CSMD1: variants seen among roughly 807,000 people sequenced by gnomAD.
The protein encoded by CSMD1 is CUB and Sushi multiple domains 1, also known as CUB and sushi domain-containing protein 1.
A neutral mutation model predicts 417.5 loss-of-function variants in CSMD1; 213 were observed. The observed-to-expected ratio is 0.51, with a 90% CI of 0.46 to 0.57. The LOEUF is 0.57. CSMD1 is among the 20% of genes least tolerant of loss of function. The pLI, the probability that CSMD1 is intolerant of heterozygous loss-of-function variation, is 0.00. For synonymous variants in CSMD1, 2,862 were observed against 1,736.8 expected, an observed-to-expected ratio of 1.65 and a Z score of -16.11; for missense variants, 6,923 against 4,529.7, an observed-to-expected ratio of 1.53 and a Z score of -15.17.
At chr8:2,969,948 T>C (rs1473378491) in intron 57 of CSMD1, among the ~76,000 whole-genome samples, 3 of 152,196 alleles carry the variant, frequency 2.0e-5, no homozygotes, top group Non-Finnish European at 4.4e-5. Context: ...GTAATCAATT[T>C]TGTGAGGCAT....
At chr8:4,088,608 T>C (rs531714942) in intron 3 of CSMD1, among the ~76,000 whole-genome samples, 1 of 152,242 alleles carries the variant, frequency 6.6e-6, no homozygotes, top group East Asian at 1.9e-4. Context: ...TCTCTCTCTC[T>C]CCCCTTCCCA....
At chr8:4,251,363 A>C (rs1362507500) in intron 3 of CSMD1, among the ~76,000 whole-genome samples, 2 of 152,160 alleles carry the variant, frequency 1.3e-5, no homozygotes, top group African/African-American at 4.8e-5. Context: ...AAGAGTTTGG[A>C]AGGTTTTATT....
chr8:4,278,511 G>C (rs1037307941), intron 3 of CSMD1, among the ~76,000 whole-genome samples: 3 of 152,154 alleles, frequency 2.0e-5, no homozygotes, highest in Admixed American at 1.3e-4. Context: ...AAAAGTAATT[G>C]TGAGTTTTAC....
chr8:4,645,200 C>A (rs1803444489), intron 1 of CSMD1, among the ~76,000 whole-genome samples: 2 of 151,934 alleles, frequency 1.3e-5, no homozygotes, highest in Non-Finnish European at 2.9e-5. Context: ...CTGCTTTTTC[C>A]TTCTAGACAG....
intron 3 of CSMD1, among the ~76,000 whole-genome samples, chr8:4,280,650 T>A (rs889662149): frequency 6.6e-6 from 1 of 152,218 alleles, no homozygotes; most frequent in African/African-American, 2.4e-5. Flanking sequence ...TTTTAAGGCT[T>A]GTGTGAATCA....
intron 1 of CSMD1, among the ~76,000 whole-genome samples, chr8:4,733,587 C>T (rs944544104): frequency 2.6e-5 from 4 of 152,172 alleles, no homozygotes; most frequent in Admixed American, 1.3e-4. Context: ...CGTTAAATAA[C>T]TTACATGTTT....
intron 10 of CSMD1, among the ~76,000 whole-genome samples, chr8:3,532,308 T>C (rs1798016559): frequency 6.6e-6 from 1 of 152,176 alleles, no homozygotes; most frequent in South Asian, 2.1e-4. Flanking sequence ...CTGGCTCTTC[T>C]GGGACATCAG....
intron 2 of CSMD1, among the ~76,000 whole-genome samples, chr8:4,587,888 T>C (rs1215373734): frequency 6.6e-6 from 1 of 152,214 alleles, no homozygotes; most frequent in Non-Finnish European, 1.5e-5. Context: ...CTGTTGTCCC[T>C]TTAAAAACTG....
chr8:3,898,305 C>A (rs370037998), intron 5 of CSMD1, among the ~76,000 whole-genome samples: 1 of 152,146 alleles, frequency 6.6e-6, no homozygotes, highest in Non-Finnish European at 1.5e-5. Flanking sequence ...TTGAACAATT[C>A]AAGGACAACT....
chr8:3,703,471 CATTCAT>C (rs1800989224), intron 7 of CSMD1, among the ~76,000 whole-genome samples: 1 of 150,232 alleles, frequency 6.7e-6, no homozygotes, highest in Non-Finnish European at 1.5e-5. Flanking sequence ...TTCATTCATT[CATTCAT>C]TCATCAGTAG....
chr8:3,621,053 T>A (rs1194157779), intron 7 of CSMD1, among the ~76,000 whole-genome samples: 1 of 151,966 alleles, frequency 6.6e-6, no homozygotes, highest in Non-Finnish European at 1.5e-5. Context: ...GAAGAATACA[T>A]AAAGGAAAGT....
chr8:4,402,817 T>C lies in CSMD1; in HGVS notation c.415+17136A>G, dbSNP rs1563136661. Among the ~76,000 whole-genome samples, 76 of 63,856 alleles carry C rather than the reference T, an allele frequency of 1.2e-3. 1 individual carries two copies. The East Asian group carries it at 0.014, about 12-fold the overall frequency. The allele number at this position is 63,856 out of a possible 152,430, so 41.9% of individuals were successfully genotyped here. ...ACTTTTTTCTTTTTTTTTTTTTTTT[T>C]TTTCTTTTTTTTTTTTTTTTGGAGA... On this transcript the variant is annotated intron_variant, in intron 3 of 69. Transcript: ENST00000635120.
At chr8:3,845,522 G>C (rs1803446367) in intron 5 of CSMD1, among the ~76,000 whole-genome samples, 1 of 152,162 alleles carries the variant, frequency 6.6e-6, no homozygotes, top group African/African-American at 2.4e-5. Context: ...GCCATGAATG[G>C]AGCTTGCAGG....
At chr8:4,062,712 T>A (rs757257719) in intron 3 of CSMD1, among the ~76,000 whole-genome samples, 4 of 151,808 alleles carry the variant, frequency 2.6e-5, no homozygotes, top group Non-Finnish European at 4.4e-5. Context: ...CTGTCATTAT[T>A]CCTGATCAGC....
rs117747353 is a variant in CSMD1, at chr8:3,512,906, G to A, written c.1345-19180C>T. 1.6e-3 allele frequency among the ~76,000 whole-genome samples: 243 copies of A among 152,184 alleles called. 1 individual carries two copies. The highest frequency in any genetic ancestry group is 8.3e-3 in the South Asian group (40 of 4,826). On this transcript the variant is annotated intron_variant, in intron 10 of 69. Transcript: ENST00000635120. ...CCACTGCACTTGGTCTTTTTAAGGA[G>A]GAAGATGTAACACGTGGGCCCGTTG...
intron 1 of CSMD1, among the ~76,000 whole-genome samples, chr8:4,912,314 TAAAAG>T (rs1805745293): frequency 6.6e-6 from 1 of 151,340 alleles, no homozygotes; most frequent in Non-Finnish European, 1.5e-5. Context: ...CAGAATCTAA[TAAAAG>T]AAGAGGGAAG....
rs551595656 is a variant in CSMD1 at position 4,041,112 on chromosome 8, G to A, written c.416-9013C>T. On this transcript the variant is annotated intron_variant, in intron 3 of 69. Coordinates refer to ENST00000635120, the MANE Select transcript of CSMD1 (RefSeq NM_033225.6). Reference sequence around the variant, plus strand: ...GCTCACTGCAAGCTCCGCCTCCCGGGTTCCCGCCATTCTCCTGCCTCAGCC... The same window carrying A: ...GCTCACTGCAAGCTCCGCCTCCCGGATTCCCGCCATTCTCCTGCCTCAGCC... 1.2e-3 allele frequency among the ~76,000 whole-genome samples: 176 copies of A among 149,810 alleles called. 1 individual carries two copies. The highest frequency in any genetic ancestry group is 4.0e-3 in the African/African-American group (164 of 40,834).
intron 3 of CSMD1, among the ~76,000 whole-genome samples, chr8:4,294,436 T>C (rs777786048): frequency 3.3e-5 from 5 of 152,158 alleles, no homozygotes; most frequent in Non-Finnish European, 7.4e-5. Flanking sequence ...GACACTTCAA[T>C]TAACATCGCA....
intron 3 of CSMD1, among the ~76,000 whole-genome samples, chr8:4,183,069 A>G (rs1798468180): frequency 6.6e-6 from 1 of 152,182 alleles, no homozygotes; most frequent in Admixed American, 6.5e-5. Flanking sequence ...CCACTGCTAG[A>G]TGTCACACTC....
Sources: allele counts gnomAD v4.1 joint callset (sites outside exome capture counted in the v4.1 genomes callset), GRCh38; gene constraint gnomAD v4.1.1; transcripts MANE v1.5; gene names NCBI Gene and HGNC (gene_info 2026-07-23, HGNC 2026-07-21).